Variants in APBB1IP observed in about 807,000 individuals in gnomAD.
APBB1IP encodes amyloid beta precursor protein binding family B member 1 interacting protein, also known as amyloid beta A4 precursor protein-binding family B member 1-interacting protein.
Under a neutral mutation model 64.9 loss-of-function variants are expected in APBB1IP, and 27 were observed. The observed-to-expected ratio is 0.42, with a 90% CI of 0.31 to 0.57. The LOEUF (loss-of-function observed/expected upper bound fraction) is 0.57. APBB1IP is among the 20% of genes least tolerant of loss of function. The probability of loss-of-function intolerance (pLI) is 0.20; values close to 1 mark genes in which losing one functional copy is unlikely to be tolerated. For synonymous variants in APBB1IP, 392 were observed against 331.0 expected (o/e 1.18, Z -2.00); for missense variants, 812 against 845.5 (o/e 0.96, Z 0.49).
intron 2 of APBB1IP, among the ~76,000 whole-genome samples, chr10:26,445,163 AG>A (rs1564346195): frequency 6.6e-6 from 1 of 151,296 alleles, no homozygotes; most frequent in Non-Finnish European, 1.5e-5. Context: ...AAAGAAAGAA[AG>A]AAAGAAAGAA....
intron 11 of APBB1IP, among the ~76,000 whole-genome samples, chr10:26,550,209 G>T (rs1261295049): frequency 2.6e-5 from 4 of 151,718 alleles, no homozygotes; most frequent in African/African-American, 7.3e-5. Context: ...TTGAGAATTT[G>T]ATTATGATAT....
chr10:26,527,685 C>CTTTT (rs768509910), intron 8 of APBB1IP, among the ~76,000 whole-genome samples: 95 of 68,610 alleles, frequency 1.4e-3, no homozygotes, highest in Middle Eastern at 9.8e-3. Flanking sequence ...AGGTCCATGT[C>CTTTT]TTTTTTTTTT....
At position 26,483,058 on chromosome 10, in the gene APBB1IP, C is replaced by T. The variant is rs540833378; in HGVS notation, c.1-9269C>T. ...TGAGCCGAGATCACACCATTGCACT[C>T]CAGCCTGGGCAACAAGAGCAAAACT... On this transcript the variant is annotated intron_variant, in intron 2 of 14. Coordinates refer to ENST00000376236, the MANE Select transcript of APBB1IP (RefSeq NM_019043.4). Among the ~76,000 whole-genome samples, 9 of 143,392 alleles carry T rather than the reference C, an allele frequency of 6.3e-5. No homozygotes were observed. In the East Asian group the frequency reaches 1.4e-3, roughly 22 times the overall value. 94.1% of individuals were successfully genotyped at this position (143,392 alleles called of 152,430 possible).
chr10:26,539,582 A>G (rs1455334894), intron 10 of APBB1IP, among the ~76,000 whole-genome samples: 2 of 152,166 alleles, frequency 1.3e-5, no homozygotes, highest in Non-Finnish European at 2.9e-5. Flanking sequence ...GCAAGAATAA[A>G]AACTCAAAAT....
chr10:26,567,239 C>A lies in APBB1IP; in HGVS notation c.1752C>A (p.Pro584=). ...DFMEPPPDFV[P]PPPPSYAGIA... is the part of the protein sequence containing the mutation. ...TGGAGCCGCCCCCAGACTTCGTGCC[C>A]CCGCCCCCGCCGTCGTACGCAGGGA... Residue 584 remains proline, a synonymous_variant, in exon 15 of 15, where the codon CCC becomes CCA. Transcript: ENST00000376236. 7.5e-7 allele frequency: 1 copy of A among 1,335,658 alleles called. No individual in the cohort carries two copies. The highest frequency in any genetic ancestry group is 9.6e-7 in the Non-Finnish European group (1 of 1,042,996). 82.7% of individuals were successfully genotyped at this position (1,335,658 alleles called of 1,614,324 possible).
At chr10:26,447,977 C>T (rs1227791916) in intron 2 of APBB1IP, among the ~76,000 whole-genome samples, 2 of 151,624 alleles carry the variant, frequency 1.3e-5, no homozygotes, top group East Asian at 3.9e-4. Flanking sequence ...AATGATATAT[C>T]CAAAAATGAT....
intron 8 of APBB1IP, among the ~76,000 whole-genome samples, chr10:26,521,915 T>A (rs898401885): frequency 1.3e-5 from 2 of 152,118 alleles, no homozygotes; most frequent in Non-Finnish European, 2.9e-5. Context: ...CATGCCCAGC[T>A]AATTTTTGTA....
chr10:26,458,009 C>G (rs919071561), intron 2 of APBB1IP, among the ~76,000 whole-genome samples: 9 of 152,142 alleles, frequency 5.9e-5, no homozygotes, highest in African/African-American at 2.2e-4. Context: ...TATGGCCTGA[C>G]TAATACCTTT....
chr10:26,540,487 T>C (rs907602070), intron 10 of APBB1IP, among the ~76,000 whole-genome samples: 1 of 151,976 alleles, frequency 6.6e-6, no homozygotes, highest in Non-Finnish European at 1.5e-5. Flanking sequence ...TGGAGGAAGA[T>C]GTGCATTTTA....
intron 2 of APBB1IP, among the ~76,000 whole-genome samples, chr10:26,446,708 A>C (rs1308241915): frequency 6.6e-6 from 1 of 152,152 alleles, no homozygotes; most frequent in Non-Finnish European, 1.5e-5. Flanking sequence ...TAGCTAAAAT[A>C]GGATAAGATA....
At chr10:26,479,453 A>G (rs1257115382) in intron 2 of APBB1IP, among the ~76,000 whole-genome samples, 4 of 152,210 alleles carry the variant, frequency 2.6e-5, no homozygotes, top group Non-Finnish European at 5.9e-5. Flanking sequence ...TATAATTTAT[A>G]AAGTGTATTT....
intron 8 of APBB1IP, among the ~76,000 whole-genome samples, chr10:26,527,175 A>G (rs1487064206): frequency 6.6e-6 from 1 of 152,164 alleles, no homozygotes; most frequent in Non-Finnish European, 1.5e-5. Flanking sequence ...AGGAAGGTCT[A>G]CCCATGACTT....
At chr10:26,553,032 C>A (rs1171455177) in intron 11 of APBB1IP, among the ~76,000 whole-genome samples, 2 of 146,880 alleles carry the variant, frequency 1.4e-5, no homozygotes, top group African/African-American at 2.5e-5. Context: ...CTTTTTTTTT[C>A]TTTTTTTGAG....
At chr10:26,452,834 TG>T (rs1564348626) in intron 2 of APBB1IP, among the ~76,000 whole-genome samples, 1 of 152,222 alleles carries the variant, frequency 6.6e-6, no homozygotes, top group Non-Finnish European at 1.5e-5. Flanking sequence ...TAGCCTCCAA[TG>T]TCTATTTTTC....
At chr10:26,463,941 G>A (rs888482796) in intron 2 of APBB1IP, among the ~76,000 whole-genome samples, 1 of 152,106 alleles carries the variant, frequency 6.6e-6, no homozygotes, top group African/African-American at 2.4e-5. Context: ...CCTTCCCTGT[G>A]TCTATGTGTT....
intron 8 of APBB1IP, among the ~76,000 whole-genome samples, chr10:26,516,687 T>G (rs143359094): frequency 6.6e-6 from 1 of 152,154 alleles, no homozygotes; most frequent in African/African-American, 2.4e-5. Flanking sequence ...AAGTTGGAAC[T>G]TCACAGAAGA....
intron 4 of APBB1IP, among the ~76,000 whole-genome samples, chr10:26,496,791 TATTTA>T (rs1351456258): frequency 6.6e-6 from 1 of 150,796 alleles, no homozygotes; most frequent in East Asian, 1.9e-4. Context: ...CATAATATTT[TATTTA>T]AAATATTTTT....
chr10:26,532,756 G>A (rs1836570583), intron 8 of APBB1IP, among the ~76,000 whole-genome samples: 1 of 152,122 alleles, frequency 6.6e-6, no homozygotes, highest in Non-Finnish European at 1.5e-5. Flanking sequence ...TCCCAGAGTG[G>A]TGGGATTATG....
At chr10:26,452,330 C>T (rs1316419805) in intron 2 of APBB1IP, among the ~76,000 whole-genome samples, 2 of 152,184 alleles carry the variant, frequency 1.3e-5, no homozygotes, top group Non-Finnish European at 2.9e-5. Flanking sequence ...TTTACAAGTA[C>T]ATGGTGCATG....
Sources: gnomAD v4.1 joint callset for allele counts (sites outside exome capture counted in the v4.1 genomes callset) on GRCh38, gnomAD v4.1.1 for gene constraint, MANE v1.5 for transcripts, NCBI Gene and HGNC (gene_info 2026-07-23, HGNC 2026-07-21) for gene names.